The following PRDM13 variants were observed in gnomAD, a reference collection of about 807,000 sequenced individuals.
The protein encoded by PRDM13 is PR/SET domain 13, also known as PR domain zinc finger protein 13.
PRDM13 carries 15 observed loss-of-function variants against 36.4 expected under a neutral mutation model. That is an observed-to-expected ratio of 0.41 (90% CI 0.28 to 0.64). The LOEUF is 0.64. Ranked by LOEUF, PRDM13 falls within the 30% of genes least tolerant of loss-of-function variation. PRDM13 has a pLI of 0.29. For missense variants in PRDM13, 1,044 were observed against 1,013.5 expected (o/e 1.03, Z -0.41); for synonymous variants, 531 against 467.7 (o/e 1.14, Z -1.75).
At chr6:99,611,381 G>C (rs1183458242) in intron 3 of PRDM13, among the ~76,000 whole-genome samples, 1 of 152,110 alleles carries the variant, frequency 6.6e-6, no homozygotes, top group Non-Finnish European at 1.5e-5. Flanking sequence ...TTAGAAGGAA[G>C]TTATTTAAGA....
Position 99,608,622 on chromosome 6 carries a change from T to A in PRDM13, c.145-119T>A, listed in dbSNP as rs531643394. 47 of 1,389,842 alleles carry A rather than the reference T, an allele frequency of 3.4e-5. No homozygotes were observed. In the African/African-American group the frequency reaches 6.7e-4, roughly 20 times the overall value. 86.1% of individuals were successfully genotyped at this position (1,389,842 alleles called of 1,614,324 possible). On this transcript the variant is annotated intron_variant, in intron 1 of 3. Coordinates refer to ENST00000369215, the MANE Select transcript of PRDM13 (RefSeq NM_021620.4). ...TCCTCCTCCCAGTAGCCCATAGTGG[T>A]CTGGCCAAACCAAAAACAACCACTT... is the stretch of plus-strand genomic sequence containing the variant.
In PRDM13 at chr6:99,606,844, T is replaced by C; in HGVS notation, c.-191T>C. On this transcript the variant is annotated 5_prime_UTR_variant, in exon 1 of 4. Transcript: ENST00000369215. The stretch of plus-strand genomic sequence containing the variant: ...AACTCTCTCACCAAACTCCGCGCCC[T>C]TGCGCTAGCGGTGCCAAAAGGCTCC... The C allele has an allele frequency of 4.2e-6, 3 of 719,048 alleles. No homozygotes were observed. The highest frequency in any genetic ancestry group is 2.3e-5 in the South Asian group (1 of 43,486). 44.5% of individuals were successfully genotyped at this position (719,048 alleles called of 1,614,324 possible). A position where few individuals can be genotyped will look rare whatever the true frequency, so the allele number is the denominator to read the frequency against.
Position 99,613,916 on chromosome 6 carries a change from G to A in PRDM13, c.1281G>A (p.Pro427=), listed in dbSNP as rs138903323. ...GARYAQLPPA[P]GLPLERCALP... is the part of the protein sequence containing the mutation. ...GTTATGCGCAGCTGCCCCCTGCGCC[G>A]GGGTTGCCCCTCGAGCGCTGCGCGC... The change falls in exon 4 of 4, where the codon CCG becomes CCA. Residue 427 remains proline (P), a synonymous_variant. Transcript: ENST00000369215. This position sits in a 1 kb window ranked among gnomAD's most constrained non-coding sequence, Gnocchi z 6.1. The A allele has an allele frequency of 8.7e-4, 1,377 of 1,584,952 alleles. 16 individuals are homozygous for A. The African/African-American group carries it at 0.018, about 20-fold the overall frequency.
chr6:99,608,984 T>C, intron 2 of PRDM13, 112 bp downstream of exon 2: 1 of 1,449,430 alleles, frequency 6.9e-7, no homozygotes, highest in Non-Finnish European at 9.3e-7. Context: ...GCTAGACGTC[T>C]CATTTAAACG....
intron 3 of PRDM13, among the ~76,000 whole-genome samples, chr6:99,611,631 G>A (rs1770033500): frequency 6.6e-6 from 1 of 152,166 alleles, no homozygotes; most frequent in Non-Finnish European, 1.5e-5. Flanking sequence ...TATGGGGTAG[G>A]GGTGGGAGCT....
At position 99,613,401 on chromosome 6, in the gene PRDM13, G is replaced by T. The variant is rs1420244602; in HGVS notation, c.766G>T (p.Asp256Tyr). 6.4e-7 allele frequency: 1 copy of T among 1,557,132 alleles called. No homozygotes were observed. The highest frequency in any genetic ancestry group is 1.2e-5 in the South Asian group (1 of 85,728). The part of the protein sequence containing the change: ...GQPKKGKEQL[D>Y]RALDMSGAAR... ...GCCCAAGAAGGGCAAGGAGCAGCTG[G>T]ACCGTGCCCTGGACATGAGCGGAGC... Residue 256 changes from aspartate (D) to tyrosine (Y), a missense_variant, in exon 4 of 4, where the codon GAC (aspartate) becomes TAC (tyrosine). By Grantham distance (160) the Asp-to-Tyr change is radical (BLOSUM62 -3). This residue lies in a region of PRDM13 where 921 missense variants were observed against 865.2 expected (regional missense o/e 1.06). Transcript: ENST00000369215. This position sits in a 1 kb window ranked among gnomAD's most constrained non-coding sequence, Gnocchi z 6.1.
At position 99,614,257 on chromosome 6, in the gene PRDM13, T is replaced by G. The variant is rs747506518; in HGVS notation, c.1622T>G (p.Leu541Arg). 12 of 1,608,636 alleles carry G rather than the reference T, an allele frequency of 7.5e-6. No individual in the cohort carries two copies. In the East Asian group the frequency reaches 2.2e-4, roughly 30 times the overall value. The change falls in exon 4 of 4, where the codon CTG becomes CGG. Residue 541 changes from leucine (L) to arginine (R), a missense_variant. Around this residue, in one of 3 missense-constraint regions of PRDM13, gnomAD observed 921 missense variants for 865.2 expected, o/e 1.06. Transcript: ENST00000369215. Reference protein sequence around the residue: ...EMAAGKGRGRLDSGTLPPAVA... With the variant: ...EMAAGKGRGRRDSGTLPPAVA... ...GCTGCCGGGAAGGGTCGCGGACGCC[T>G]GGACTCGGGGACGTTGCCACCGGCC...
rs1042343865 is a variant in PRDM13 at position 99,607,052 on chromosome 6, A to G, written c.18A>G (p.Arg6=). 1.9e-6 allele frequency: 3 copies of G among 1,611,532 alleles called. No homozygotes were observed. The highest frequency in any genetic ancestry group is 2.5e-6 in the Non-Finnish European group (3 of 1,179,080). MHGAA[R]APATSVSADC... is the part of the protein sequence containing the mutation. ...CGGCAACAATGCACGGAGCCGCCAGAGCGCCAGCCACCAGCGTGAGTGCCG... is the reference window on the plus strand; with the variant it reads ...CGGCAACAATGCACGGAGCCGCCAGGGCGCCAGCCACCAGCGTGAGTGCCG... Residue 6 remains arginine (R), a synonymous_variant, in exon 1 of 4, where the codon AGA becomes AGG. Transcript: ENST00000369215.
rs1288795808 is a variant in PRDM13, at chr6:99,614,269, C to T, written c.1634C>T (p.Thr545Met). The part of the protein sequence containing the change: ...GKGRGRLDSG[T>M]LPPAVAAAGG... The stretch of plus-strand genomic sequence containing the variant: ...GGTCGCGGACGCCTGGACTCGGGGA[C>T]GTTGCCACCGGCCGTCGCGGCGGCG... The change falls in exon 4 of 4, where the codon ACG becomes ATG. Residue 545 changes from threonine to methionine, a missense_variant. Physicochemically the swap from Thr to Met is moderately conservative, Grantham distance 81. This residue lies in a region of PRDM13 where 921 missense variants were observed against 865.2 expected (regional missense o/e 1.06). Transcript: ENST00000369215. The T allele has an allele frequency of 1.2e-6, 2 of 1,607,714 alleles. No homozygotes were observed. Among genetic ancestry groups the T allele is most frequent in the Non-Finnish European group, 1.7e-6 (2 of 1,177,644 alleles).
In PRDM13 at chr6:99,613,891, G is replaced by A. The variant is rs1401332477; in HGVS notation, c.1256G>A (p.Arg419His). 3 of 1,561,774 alleles carry A rather than the reference G, an allele frequency of 1.9e-6. No homozygotes were observed. The highest frequency in any genetic ancestry group is 2.5e-5 in the East Asian group (1 of 39,978). The change falls in exon 4 of 4, where the codon CGT becomes CAT. Residue 419 changes from arginine (R) to histidine (H), a missense_variant. Transcript: ENST00000369215. The surrounding 1 kb of genome is among the most constrained non-coding windows in gnomAD (Gnocchi z 6.1). The stretch of plus-strand genomic sequence containing the variant: ...GCAGCCGCCGCGCTGCCAGGAGCGC[G>A]TTATGCGCAGCTGCCCCCTGCGCCG... ...PPAAAALPGARYAQLPPAPGL... is the reference protein window; with the variant it reads ...PPAAAALPGAHYAQLPPAPGL...
chr6:99,614,632 C>G lies in PRDM13; in HGVS notation c.1997C>G (p.Pro666Arg), dbSNP rs1381707572. 6.2e-6 allele frequency: 10 copies of G among 1,612,440 alleles called. No individual in the cohort carries two copies. The highest frequency in any genetic ancestry group is 1.7e-4 in the Middle Eastern group (1 of 6,052). Reference sequence around the variant, plus strand: ...CTGCTCGCCAAAGCGGGCGACGGCCCGGGTGCCGAGCCCGGCTATCCCCCG... The same window carrying G: ...CTGCTCGCCAAAGCGGGCGACGGCCGGGGTGCCGAGCCCGGCTATCCCCCG... ...QSLLAKAGDG[P>R]GAEPGYPPEP... is the part of the protein sequence containing the mutation. The change falls in exon 4 of 4, where the codon CCG becomes CGG. Residue 666 changes from proline (P) to arginine (R), a missense_variant. Around this residue, in one of 3 missense-constraint regions of PRDM13, gnomAD observed 115 missense variants for 122.1 expected, o/e 0.94. Coordinates refer to ENST00000369215, the MANE Select transcript of PRDM13 (RefSeq NM_021620.4).
At chr6:99,611,837 T>G (rs1470892625) in intron 3 of PRDM13, among the ~76,000 whole-genome samples, 1 of 152,238 alleles carries the variant, frequency 6.6e-6, no homozygotes, top group Admixed American at 6.5e-5. Context: ...AACTAACTTC[T>G]TTCTCAGACA....
At chr6:99,609,101 A>G (rs1207827539) in intron 2 of PRDM13, 86 bp from the exon 3 acceptor site, 1 of 1,471,600 alleles carries the variant, frequency 6.8e-7, no homozygotes, top group African/African-American at 1.4e-5. Context: ...CAGCATCAGA[A>G]TCCGGATTTG....
chr6:99,607,853 A>G (rs1244695809), intron 1 of PRDM13, among the ~76,000 whole-genome samples: 1 of 152,192 alleles, frequency 6.6e-6, no homozygotes, highest in African/African-American at 2.4e-5. Flanking sequence ...CAGAGGCCCA[A>G]CCGGGAGGCG....
chr6:99,607,800 CG>C (rs1257995711), intron 1 of PRDM13, among the ~76,000 whole-genome samples: 2 of 152,172 alleles, frequency 1.3e-5, no homozygotes, highest in Admixed American at 1.3e-4. Context: ...CCCATTCGCG[CG>C]GGGCACAGGG....
rs1770055001 is a variant in PRDM13, at chr6:99,613,074, A to G, written c.439A>G (p.Arg147Gly). The G allele has an allele frequency of 6.2e-7, 1 of 1,601,586 alleles. No individual in the cohort carries two copies. Residue 147 changes from arginine (R) to glycine (G), a missense_variant, in exon 4 of 4, where the codon AGA (arginine) becomes GGA (glycine). By Grantham distance (125) the Arg-to-Gly change is moderately radical. Transcript: ENST00000369215. The surrounding 1 kb of genome is among the most constrained non-coding windows in gnomAD (Gnocchi z 6.1). Reference sequence around the variant, plus strand: ...CTGCTGGTACTGCTGGAGGACGTTTAGATACCCCAACAGCCTTAAGGCACA... The same window carrying G: ...CTGCTGGTACTGCTGGAGGACGTTTGGATACCCCAACAGCCTTAAGGCACA... ...YICWYCWRTF[R>G]YPNSLKAHLR...
rs372577352 is a variant in PRDM13, at chr6:99,609,202, T to C, written c.292T>C (p.Leu98=). 5 of 1,613,686 alleles carry C rather than the reference T, an allele frequency of 3.1e-6. No individual in the cohort carries two copies. The Admixed American group carries it at 5.0e-5, about 16-fold the overall frequency. The change falls in exon 3 of 4, where the codon TTG becomes CTG. Residue 98 remains leucine, a synonymous_variant. Coordinates refer to ENST00000369215, the MANE Select transcript of PRDM13 (RefSeq NM_021620.4). Reference sequence around the variant, plus strand: ...TGCGTCCCAGATCTTCTACCGAGCATTGCGAGACGTCCAGCCAGGGGAGGA... The same window carrying C: ...TGCGTCCCAGATCTTCTACCGAGCACTGCGAGACGTCCAGCCAGGGGAGGA... ...LPGGQIFYRA[L]RDVQPGEELT...
chr6:99,610,485 C>T (rs534988466), intron 3 of PRDM13, among the ~76,000 whole-genome samples: 2 of 152,174 alleles, frequency 1.3e-5, no homozygotes, highest in Non-Finnish European at 2.9e-5. Context: ...AATCTCATCC[C>T]TTTAGAAATA....
In PRDM13 at chr6:99,615,094, A is replaced by G; in HGVS notation, c.*335A>G. The G allele has an allele frequency of 6.0e-6, 2 of 335,636 alleles. No homozygotes were observed. Among genetic ancestry groups the G allele is most frequent in the Non-Finnish European group, 1.1e-5 (2 of 184,418 alleles). The allele number at this position is 335,636 out of a possible 1,614,324, so 20.8% of individuals were successfully genotyped here. A position where few individuals can be genotyped will look rare whatever the true frequency, so the allele number is the denominator to read the frequency against. On this transcript the variant is annotated 3_prime_UTR_variant, in exon 4 of 4. Transcript: ENST00000369215. Reference sequence around the variant, plus strand: ...AGAATCACATCAATGCGAACGTCACAGCGCCTTCGAGGGCGCAGATTTTAA... The same window carrying G: ...AGAATCACATCAATGCGAACGTCACGGCGCCTTCGAGGGCGCAGATTTTAA...
Sources: allele counts gnomAD v4.1 joint callset (sites outside exome capture counted in the v4.1 genomes callset), GRCh38; gene constraint gnomAD v4.1.1; regional missense constraint gnomAD v4.1.1; non-coding constraint Gnocchi (gnomAD v3.1); transcripts MANE v1.5; gene names NCBI Gene and HGNC (gene_info 2026-07-23, HGNC 2026-07-21).